Variants in LRMDA observed in about 807,000 individuals in gnomAD.
The protein encoded by LRMDA is leucine-rich melanocyte differentiation-associated protein.
A neutral mutation model predicts 29.8 loss-of-function variants in LRMDA; 18 were observed. The observed-to-expected ratio is 0.60, with a 90% CI of 0.42 to 0.90. The LOEUF (loss-of-function observed/expected upper bound fraction) is 0.90. Among genes scored for constraint, LRMDA ranks in the 40% least tolerant of loss-of-function variants. LRMDA has a pLI of 0.00. For synonymous variants in LRMDA, 125 were observed against 109.4 expected (o/e 1.14, Z -0.89); for missense variants, 273 against 273.9 (o/e 1.00, Z 0.02).
chr10:75,886,424 C>T (rs969342494), intron 2 of LRMDA, among the ~76,000 whole-genome samples: 1 of 152,146 alleles, frequency 6.6e-6, no homozygotes, highest in Non-Finnish European at 1.5e-5. Flanking sequence ...TCCTGCACCA[C>T]ATAACTAGAA....
intron 5 of LRMDA, among the ~76,000 whole-genome samples, chr10:76,319,775 A>G (rs2758965): frequency 0.91 from 137,961 of 152,184 alleles, 63,124 homozygotes; most frequent in Non-Finnish European, 0.96. Flanking sequence ...TCCCAGACCC[A>G]GGATCACTTT....
At position 76,557,237 on chromosome 10, in the gene LRMDA, C is replaced by T. The variant is rs530212983; in HGVS notation, c.630C>T (p.Tyr210=). The part of the protein sequence containing the change: ...QGVLGKCRYV[Y]YGKNSEGNRF... ...TCCTGGGGAAGTGTCGCTACGTTTACTATGGGAAAAACTCAGAGGGCAACA... is the reference window on the plus strand; with the variant it reads ...TCCTGGGGAAGTGTCGCTACGTTTATTATGGGAAAAACTCAGAGGGCAACA... The change falls in exon 7 of 7, where the codon TAC becomes TAT. Residue 210 remains tyrosine (Y), a synonymous_variant. Coordinates refer to ENST00000611255, the MANE Select transcript of LRMDA (RefSeq NM_001305581.2). The T allele has an allele frequency of 6.2e-7, 1 of 1,614,090 alleles. No homozygotes were observed. The highest frequency in any genetic ancestry group is 8.5e-7 in the Non-Finnish European group (1 of 1,179,998).
At chr10:76,226,540 G>T in intron 5 of LRMDA, among the ~76,000 whole-genome samples, 1 of 152,116 alleles carries the variant, frequency 6.6e-6, no homozygotes, top group South Asian at 2.1e-4. Context: ...CCGAGATCAC[G>T]CCATTGCACT....
chr10:76,224,124 A>G lies in LRMDA; in HGVS notation c.517-100277A>G, dbSNP rs185297080. 1.8e-3 allele frequency among the ~76,000 whole-genome samples: 268 copies of G among 152,068 alleles called. 1 individual carries two copies. Among genetic ancestry groups the G allele is most frequent in the Non-Finnish European group, 2.2e-3 (148 of 68,038 alleles). Reference sequence around the variant, plus strand: ...CTGTCCTAGGACATTATAATTTTCTAAAAATTTATATGACTCTCAAATTCT... The same window carrying G: ...CTGTCCTAGGACATTATAATTTTCTGAAAATTTATATGACTCTCAAATTCT... On this transcript the variant is annotated intron_variant, in intron 5 of 6. Coordinates refer to ENST00000611255, the MANE Select transcript of LRMDA (RefSeq NM_001305581.2).
intron 5 of LRMDA, among the ~76,000 whole-genome samples, chr10:76,108,501 C>T (rs918317176): frequency 2.6e-5 from 4 of 151,978 alleles, no homozygotes; most frequent in East Asian, 1.9e-4. Flanking sequence ...TGTGTATATA[C>T]GTGCAAAGAT....
chr10:75,521,723 C>G (rs890118106), intron 2 of LRMDA, among the ~76,000 whole-genome samples: 2 of 152,242 alleles, frequency 1.3e-5, no homozygotes, highest in Non-Finnish European at 2.9e-5. Context: ...CACCCACTGT[C>G]CAACCAGTCC....
intron 2 of LRMDA, among the ~76,000 whole-genome samples, chr10:75,619,145 AT>A (rs1219379936): frequency 3.3e-5 from 5 of 151,992 alleles, no homozygotes; most frequent in African/African-American, 1.2e-4. Context: ...GAAGGTCTTT[AT>A]CCTTGTCATC....
At chr10:75,937,818 G>T (rs1846323276) in intron 2 of LRMDA, among the ~76,000 whole-genome samples, 1 of 152,150 alleles carries the variant, frequency 6.6e-6, no homozygotes, top group Admixed American at 6.6e-5. Flanking sequence ...TGAGGAAAAT[G>T]CCAATATATT....
At position 76,423,825 on chromosome 10, in the gene LRMDA, A is replaced by T. The variant is rs372017225; in HGVS notation, c.601+99340A>T. On this transcript the variant is annotated intron_variant, in intron 6 of 6. Transcript: ENST00000611255. ...AATCAACCGAGGAGGTGTTTGTTATAGAAAACCAATGACTAGGAATCACCT... is the reference window on the plus strand; with the variant it reads ...AATCAACCGAGGAGGTGTTTGTTATTGAAAACCAATGACTAGGAATCACCT... Among the ~76,000 whole-genome samples, 18 of 152,322 alleles carry T rather than the reference A, an allele frequency of 1.2e-4. 1 individual carries two copies. Among genetic ancestry groups the T allele is most frequent in the African/African-American group, 4.3e-4 (18 of 41,580 alleles).
intron 6 of LRMDA, among the ~76,000 whole-genome samples, chr10:76,345,665 G>C (rs1841098570): frequency 6.6e-6 from 1 of 151,922 alleles, no homozygotes; most frequent in South Asian, 2.1e-4. Context: ...AAAGAGTATG[G>C]TGGGGAAAAG....
At chr10:76,435,054 A>G (rs1907350) in intron 6 of LRMDA, among the ~76,000 whole-genome samples, 61,441 of 151,998 alleles carry the variant, frequency 0.4, 12,879 homozygotes, top group African/African-American at 0.45. Flanking sequence ...TGCCCCATAA[A>G]CTAGACCATT....
intron 6 of LRMDA, among the ~76,000 whole-genome samples, chr10:76,395,133 C>T (rs1404989152): frequency 6.6e-6 from 1 of 152,132 alleles, no homozygotes. Context: ...AAATAAGGCA[C>T]CACAGAAGAA....
intron 2 of LRMDA, among the ~76,000 whole-genome samples, chr10:75,849,249 T>C (rs1436931158): frequency 6.6e-6 from 1 of 152,148 alleles, no homozygotes; most frequent in Non-Finnish European, 1.5e-5. Context: ...ATTGCATTTC[T>C]TCTTATGTAG....
chr10:76,502,059 G>A (rs368610180), intron 6 of LRMDA, among the ~76,000 whole-genome samples: 14 of 151,930 alleles, frequency 9.2e-5, no homozygotes, highest in African/African-American at 3.4e-4. Context: ...TAGTGGTCCA[G>A]CTTCAATCTT....
chr10:76,048,224 ATATG>A (rs1266863899), intron 4 of LRMDA, among the ~76,000 whole-genome samples: 2 of 152,150 alleles, frequency 1.3e-5, no homozygotes, highest in African/African-American at 2.4e-5. Flanking sequence ...GTCTATATGT[ATATG>A]TATGTGTACA....
chr10:75,641,129 T>G (rs865898347), intron 2 of LRMDA, among the ~76,000 whole-genome samples: 6 of 152,184 alleles, frequency 3.9e-5, no homozygotes, highest in Non-Finnish European at 8.8e-5. Flanking sequence ...TCATTTTATC[T>G]CTCTGAGTGT....
intron 5 of LRMDA, among the ~76,000 whole-genome samples, chr10:76,297,381 A>T (rs183057783): frequency 3.2e-4 from 48 of 152,264 alleles, no homozygotes; most frequent in African/African-American, 1.1e-3. Context: ...GGATACAGGG[A>T]ATTTGTAGTA....
chr10:75,816,774 A>G (rs541631913), intron 2 of LRMDA, among the ~76,000 whole-genome samples: 1 of 152,284 alleles, frequency 6.6e-6, no homozygotes, highest in East Asian at 1.9e-4. Flanking sequence ...CTCATGGAGG[A>G]CTGGAACAAG....
At chr10:76,037,407 T>C (rs1043681228) in intron 3 of LRMDA, among the ~76,000 whole-genome samples, 1 of 152,276 alleles carries the variant, frequency 6.6e-6, no homozygotes, top group African/African-American at 2.4e-5. Flanking sequence ...CATGTAAGGC[T>C]TGGCACATAT....
Sources: allele counts gnomAD v4.1 joint callset (sites outside exome capture counted in the v4.1 genomes callset), GRCh38; gene constraint gnomAD v4.1.1; transcripts MANE v1.5; gene names NCBI Gene and HGNC (gene_info 2026-07-23, HGNC 2026-07-21).